THSD7A: variants seen among roughly 807,000 people sequenced by gnomAD.
The protein encoded by THSD7A is thrombospondin type 1 domain containing 7A.
In THSD7A, 96 loss-of-function variants were observed where a neutral mutation model predicts 231.3. That is an observed-to-expected ratio of 0.41 (90% confidence interval 0.35 to 0.49). The LOEUF is 0.49. Among genes scored for constraint, THSD7A ranks in the 20% least tolerant of loss-of-function variants. THSD7A has a pLI of 0.05. For missense variants in THSD7A, 2,290 were observed against 2,070.2 expected (o/e 1.11, Z -2.06); for synonymous variants, 940 against 743.3 (o/e 1.26, Z -4.30).
At chr7:11,536,087 T>G (rs1393075340) in intron 6 of THSD7A, among the ~76,000 whole-genome samples, 1 of 152,212 alleles carries the variant, frequency 6.6e-6, no homozygotes, top group East Asian at 1.9e-4. Flanking sequence ...TCTTAATGTC[T>G]GCTACTTGGG....
At chr7:11,821,858 GA>G (rs112016597) in intron 1 of THSD7A, among the ~76,000 whole-genome samples, 3 of 152,112 alleles carry the variant, frequency 2.0e-5, no homozygotes, top group African/African-American at 7.2e-5. Flanking sequence ...GGGCATAATA[GA>G]AAACAATACC....
intron 4 of THSD7A, among the ~76,000 whole-genome samples, chr7:11,560,080 CAG>C (rs1790014599): frequency 6.6e-6 from 1 of 152,060 alleles, no homozygotes; most frequent in South Asian, 2.1e-4. Flanking sequence ...CAAAACTATA[CAG>C]AGGTGGAAAT....
In THSD7A at chr7:11,774,237, C is replaced by T. The variant is rs1184774158; in HGVS notation, c.190+57520G>A. On this transcript the variant is annotated intron_variant, in intron 1 of 27. Transcript: ENST00000423059. Reference sequence around the variant, plus strand: ...AGGCTAAATGAAACAGTCCAGTTTCCGAAAGACAAAAACTGTATGATTCCA... The same window carrying T: ...AGGCTAAATGAAACAGTCCAGTTTCTGAAAGACAAAAACTGTATGATTCCA... Among the ~76,000 whole-genome samples, 6 of 151,954 alleles carry T rather than the reference C, an allele frequency of 3.9e-5. No individual in the cohort carries two copies. In the South Asian group the frequency reaches 8.3e-4, roughly 21 times the overall value.
At chr7:11,529,137 A>G (rs1788597696) in intron 6 of THSD7A, among the ~76,000 whole-genome samples, 1 of 152,198 alleles carries the variant, frequency 6.6e-6, no homozygotes, top group Admixed American at 6.5e-5. Context: ...CATTGCTACA[A>G]TACTTTTTAT....
At chr7:11,454,415 C>T (rs1400343642) in intron 11 of THSD7A, among the ~76,000 whole-genome samples, 1 of 151,716 alleles carries the variant, frequency 6.6e-6, no homozygotes, top group Non-Finnish European at 1.5e-5. Context: ...CTATCCTTGC[C>T]CCTTGCCTCT....
At chr7:11,472,518 A>C (rs1785978259) in intron 8 of THSD7A, among the ~76,000 whole-genome samples, 1 of 152,172 alleles carries the variant, frequency 6.6e-6, no homozygotes, top group South Asian at 2.1e-4. Flanking sequence ...ATTTTCTAGA[A>C]TTTGAGAGGT....
intron 1 of THSD7A, among the ~76,000 whole-genome samples, chr7:11,694,168 T>TA (rs1254135886): frequency 2.0e-5 from 3 of 151,544 alleles, no homozygotes; most frequent in African/African-American, 7.3e-5. Context: ...GGCTATCTTC[T>TA]AAGCTTGACT....
chr7:11,548,421 T>G, intron 4 of THSD7A, among the ~76,000 whole-genome samples: 1 of 152,090 alleles, frequency 6.6e-6, no homozygotes, highest in East Asian at 1.9e-4. Context: ...AGTTGAATTC[T>G]ACCATATATA....
At position 11,831,521 on chromosome 7, in the gene THSD7A, A is replaced by G. The variant is rs151276830; in HGVS notation, c.190+236T>C. Among the ~76,000 whole-genome samples the G allele has an allele frequency of 7.5e-4, 115 of 152,336 alleles. No homozygotes were observed. The highest frequency in any genetic ancestry group is 2.5e-3 in the African/African-American group (104 of 41,574). ...CATGGAAGTGCGCGTTGCCCTCATT[A>G]CAGAGCTGCGAGAGAAATATTCCAG... On this transcript the variant is annotated intron_variant, in intron 1 of 27. Coordinates refer to ENST00000423059, the MANE Select transcript of THSD7A (RefSeq NM_015204.3). This position sits in a 1 kb window ranked among gnomAD's most constrained non-coding sequence, Gnocchi z 5.0.
intron 1 of THSD7A, among the ~76,000 whole-genome samples, chr7:11,676,940 G>T (rs551669416): frequency 6.6e-6 from 1 of 152,144 alleles, no homozygotes; most frequent in South Asian, 2.1e-4. Flanking sequence ...TACTCCTCGA[G>T]AAAAACAACC....
chr7:11,701,976 G>A (rs955012305), intron 1 of THSD7A, among the ~76,000 whole-genome samples: 7 of 151,102 alleles, frequency 4.6e-5, no homozygotes, highest in Non-Finnish European at 5.9e-5. Context: ...GCAATTGGGT[G>A]TACCTTGTTG....
chr7:11,697,227 A>G (rs1780430941), intron 1 of THSD7A, among the ~76,000 whole-genome samples: 3 of 151,434 alleles, frequency 2.0e-5, no homozygotes. Context: ...TCTTTGGCCT[A>G]AAATCCTCCA....
At chr7:11,462,786 T>C (rs1412888968) in intron 9 of THSD7A, among the ~76,000 whole-genome samples, 1 of 152,128 alleles carries the variant, frequency 6.6e-6, no homozygotes, top group Non-Finnish European at 1.5e-5. Flanking sequence ...TAGCAATAAT[T>C]ACTATAAATA....
At chr7:11,403,947 T>G (rs1229784917) in intron 22 of THSD7A, among the ~76,000 whole-genome samples, 1 of 152,190 alleles carries the variant, frequency 6.6e-6, no homozygotes, top group Non-Finnish European at 1.5e-5. Context: ...TTAGTTCACA[T>G]ACTGCCAGCT....
chr7:11,572,769 G>A (rs984588937), intron 4 of THSD7A, among the ~76,000 whole-genome samples: 1 of 152,012 alleles, frequency 6.6e-6, no homozygotes, highest in African/African-American at 2.4e-5. Flanking sequence ...GCCTCCCAGA[G>A]TGCTGGGATT....
chr7:11,774,579 A>G (rs1231035125), intron 1 of THSD7A, among the ~76,000 whole-genome samples: 3 of 152,108 alleles, frequency 2.0e-5, no homozygotes, highest in Non-Finnish European at 4.4e-5. Context: ...CCTTAATTGT[A>G]GTCTTGGTAT....
At chr7:11,822,539 C>T (rs1173389048) in intron 1 of THSD7A, among the ~76,000 whole-genome samples, 2 of 151,796 alleles carry the variant, frequency 1.3e-5, no homozygotes, top group African/African-American at 4.8e-5. Flanking sequence ...GATATATTGA[C>T]TTTTTTTTCC....
intron 1 of THSD7A, among the ~76,000 whole-genome samples, chr7:11,731,881 C>T (rs7801563): frequency 0.73 from 110,700 of 151,434 alleles, 40,532 homozygotes; most frequent in South Asian, 0.79. Flanking sequence ...CATTGTATAT[C>T]TGCTGATTTT....
chr7:11,590,438 T>C lies in THSD7A; in HGVS notation c.1453+22A>G. On this transcript the variant is annotated intron_variant, in intron 4 of 27. Transcript: ENST00000423059. The surrounding 1 kb of genome is among the most constrained non-coding windows in gnomAD (Gnocchi z 4.4). ...TCAGTCAGTCTTCATAAGTGAATCC[T>C]TGAGAAGAAAGCAAAGGTTACCTTC... 6.3e-7 allele frequency: 1 copy of C among 1,597,176 alleles called. No individual in the cohort carries two copies. Among genetic ancestry groups the C allele is most frequent in the Non-Finnish European group, 8.5e-7 (1 of 1,171,200 alleles).
Sources: gnomAD v4.1 joint callset for allele counts (sites outside exome capture counted in the v4.1 genomes callset) on GRCh38, gnomAD v4.1.1 for gene constraint, Gnocchi (gnomAD v3.1) non-coding constraint, MANE v1.5 for transcripts, NCBI Gene and HGNC (gene_info 2026-07-23, HGNC 2026-07-21) for gene names.